Variants in AVEN observed in about 807,000 individuals in gnomAD.
AVEN encodes the protein cell death regulator Aven.
In AVEN, 41 loss-of-function variants were observed where a neutral mutation model predicts 38.1. The ratio of observed to expected loss-of-function variants is 1.08; its 90% CI spans 0.84 to 1.40. The LOEUF (loss-of-function observed/expected upper bound fraction) is 1.40. AVEN is among the 40% of genes most tolerant of loss of function. The pLI is 0.00. For synonymous variants in AVEN, 206 were observed against 171.8 expected, an observed-to-expected ratio of 1.20 and a Z score of -1.56; for missense variants, 605 against 438.8, an observed-to-expected ratio of 1.38 and a Z score of -3.38.
rs144691062 is a variant in AVEN, at chr15:33,888,004, A to G, written c.446-12009T>C. ...CACCCTCAGGGAGAGCAGATGAGAAAGAACTTTCCCACATACTACCAATAT... is the reference window on the plus strand; with the variant it reads ...CACCCTCAGGGAGAGCAGATGAGAAGGAACTTTCCCACATACTACCAATAT... On this transcript the variant is annotated intron_variant, in intron 2 of 5. Transcript: ENST00000306730. 1.5e-3 allele frequency among the ~76,000 whole-genome samples: 233 copies of G among 152,310 alleles called. 1 individual carries two copies. Among genetic ancestry groups the G allele is most frequent in the Admixed American group, 0.013 (195 of 15,296 alleles).
chr15:33,876,415 T>A (rs1320656895), intron 2 of AVEN, among the ~76,000 whole-genome samples: 1 of 143,742 alleles, frequency 7.0e-6, no homozygotes, highest in Admixed American at 7.0e-5. Flanking sequence ...CTACTAAAAA[T>A]ACAAAAATTA....
At chr15:33,865,407 T>C (rs1890170015), downstream of AVEN, 1 of 573,680 alleles carries the variant, frequency 1.7e-6, no homozygotes, top group Non-Finnish European at 3.1e-6. Flanking sequence ...CTAATGGACA[T>C]ACACTGTGGG....
intron 5 of AVEN, among the ~76,000 whole-genome samples, chr15:34,055,317 A>T (rs1597391345): frequency 6.6e-6 from 1 of 151,128 alleles, no homozygotes. Flanking sequence ...GGCCAACATG[A>T]TTAAACCCCA....
At chr15:33,895,381 AGTG>A (rs991758082) in intron 2 of AVEN, among the ~76,000 whole-genome samples, 1 of 150,902 alleles carries the variant, frequency 6.6e-6, no homozygotes, top group African/African-American at 2.4e-5. Context: ...TATGGAGTGC[AGTG>A]GTGCAATCAT....
intron 1 of AVEN, among the ~76,000 whole-genome samples, chr15:34,025,299 G>A (rs2140734505): frequency 6.6e-6 from 1 of 152,290 alleles, no homozygotes; most frequent in South Asian, 2.1e-4. Context: ...GGCTAATTTA[G>A]GTAGAAAAGG....
intron 2 of AVEN, among the ~76,000 whole-genome samples, chr15:33,937,300 C>T (rs558069596): frequency 3.3e-5 from 5 of 151,584 alleles, no homozygotes; most frequent in African/African-American, 9.7e-5. Flanking sequence ...TTTGGGAGGC[C>T]GAGGCGGGCG....
intron 5 of AVEN, among the ~76,000 whole-genome samples, chr15:34,054,073 A>T (rs1453904977): frequency 6.6e-6 from 1 of 152,266 alleles, no homozygotes; most frequent in African/African-American, 2.4e-5. Flanking sequence ...AAAACGTGAA[A>T]AAAAAACTCA....
At chr15:33,986,746 T>C (rs1896490045) in intron 2 of AVEN, among the ~76,000 whole-genome samples, 1 of 147,826 alleles carries the variant, frequency 6.8e-6, no homozygotes, top group African/African-American at 2.4e-5. Flanking sequence ...AACCTCCGCC[T>C]CCCAGGTTCA....
intron 2 of AVEN, among the ~76,000 whole-genome samples, chr15:33,989,878 T>C (rs918147422): frequency 2.0e-5 from 3 of 150,178 alleles, no homozygotes; most frequent in Non-Finnish European, 3.0e-5. Context: ...ACAATAGCAA[T>C]TGAGACGGAT....
chr15:33,933,491 T>TCACTCACACACACACA (rs1893926371), intron 2 of AVEN, among the ~76,000 whole-genome samples: 1 of 68,270 alleles, frequency 1.5e-5, no homozygotes, highest in Non-Finnish European at 2.5e-5. Context: ...CCTCCAACAA[T>TCACTCACACACACACA]CACACACACA....
At chr15:33,964,521 C>G (rs1403017918) in intron 2 of AVEN, among the ~76,000 whole-genome samples, 2 of 151,932 alleles carry the variant, frequency 1.3e-5, no homozygotes, top group African/African-American at 2.4e-5. Flanking sequence ...AAAAAAAATG[C>G]AATCGTTTTA....
At chr15:33,961,390 A>G (rs553624284) in intron 2 of AVEN, among the ~76,000 whole-genome samples, 3 of 152,302 alleles carry the variant, frequency 2.0e-5, no homozygotes, top group Admixed American at 6.5e-5. Context: ...GTCTCATAGG[A>G]GGAATTATTG....
At chr15:34,005,404 G>C (rs1046433560) in intron 1 of AVEN, among the ~76,000 whole-genome samples, 4 of 151,800 alleles carry the variant, frequency 2.6e-5, no homozygotes, top group African/African-American at 9.7e-5. Context: ...GGCTAGGTCT[G>C]TTTGCTTCCT....
intron 2 of AVEN, among the ~76,000 whole-genome samples, chr15:33,954,638 C>A (rs1379838299): frequency 2.1e-5 from 3 of 145,220 alleles, no homozygotes; most frequent in Non-Finnish European, 4.5e-5. Context: ...AACATCACAC[C>A]CCAGGGCCTG....
At chr15:33,959,990 C>T (rs1489393710) in intron 2 of AVEN, among the ~76,000 whole-genome samples, 1 of 152,150 alleles carries the variant, frequency 6.6e-6, no homozygotes, top group Non-Finnish European at 1.5e-5. Context: ...TGTATAACTA[C>T]TGGATTCGTG....
chr15:33,867,361 G>C, intron 5 of AVEN, 134 bp downstream of exon 5: 5 of 1,280,648 alleles, frequency 3.9e-6, no homozygotes, highest in Non-Finnish European at 5.3e-6. Context: ...CGTGAGCACA[G>C]AAATAGATGT....
Position 33,866,400 on chromosome 15 carries a change from T to TAGATTA in AVEN, c.*207_*212dup. 1 of 576,764 alleles carries TAGATTA rather than the reference T, an allele frequency of 1.7e-6. No homozygotes were observed. Among genetic ancestry groups the TAGATTA allele is most frequent in the Non-Finnish European group, 3.1e-6 (1 of 325,968 alleles). The allele number at this position is 576,764 out of a possible 1,614,324, so 35.7% of individuals were successfully genotyped here. A position where few individuals can be genotyped will look rare whatever the true frequency, so the allele number is the denominator to read the frequency against. On this transcript the variant is annotated 3_prime_UTR_variant, in exon 6 of 6. Transcript: ENST00000306730. Reference sequence around the variant, plus strand: ...ATCTCCTGCCCTTAAGGAAATCTATTAGATTACTAAGCCAGAAAAACAAAT... The same window carrying TAGATTA: ...ATCTCCTGCCCTTAAGGAAATCTATTAGATTAAGATTACTAAGCCAGAAAAACAAAT...
At chr15:33,935,464 C>T (rs1894019934) in intron 2 of AVEN, among the ~76,000 whole-genome samples, 2 of 134,338 alleles carry the variant, frequency 1.5e-5, no homozygotes, top group South Asian at 2.7e-4. Context: ...AGAAAAGCTG[C>T]TATATATATT....
chr15:33,949,345 A>AGTAG (rs1159111666), intron 2 of AVEN, among the ~76,000 whole-genome samples: 1 of 152,210 alleles, frequency 6.6e-6, no homozygotes. Context: ...TCAACAGCAC[A>AGTAG]GTAGGGGGTC....
Sources: allele counts gnomAD v4.1 joint callset (sites outside exome capture counted in the v4.1 genomes callset), GRCh38; gene constraint gnomAD v4.1.1; transcripts MANE v1.5; gene names NCBI Gene and HGNC (gene_info 2026-07-23, HGNC 2026-07-21).